ZNF646: variants seen among roughly 807,000 people sequenced by gnomAD.
ZNF646 encodes zinc finger protein 646.
A neutral mutation model predicts 115.4 loss-of-function variants in ZNF646; 49 were observed. That is an observed-to-expected ratio of 0.42 (90% CI 0.34 to 0.54). ZNF646 has a LOEUF of 0.54. Among genes scored for constraint, ZNF646 ranks in the 20% least tolerant of loss-of-function variants. The probability of loss-of-function intolerance (pLI) is 0.04; values close to 1 mark genes in which losing one functional copy is unlikely to be tolerated. For missense variants in ZNF646, 2,269 were observed against 2,457.9 expected, an observed-to-expected ratio of 0.92 and a Z score of 1.62; for synonymous variants, 933 against 939.0, an observed-to-expected ratio of 0.99 and a Z score of 0.12.
Position 31,081,528 on chromosome 16 carries a change from G to A in ZNF646, c.5204G>A (p.Ser1735Asn), listed in dbSNP as rs1387392332. ...THTDPKRHCC[S>N]ICGKAFRTAA... ...ACGGACCCCAAGCGCCACTGCTGCA[G>A]CATCTGTGGCAAGGCCTTTCGGACA... is the stretch of plus-strand genomic sequence containing the variant. Residue 1735 changes from serine (S) to asparagine (N), a missense_variant, in exon 2 of 3, where the codon AGC becomes AAC. This residue lies in a region of ZNF646 where 1,062 missense variants were observed against 1,172.8 expected (regional missense o/e 0.91). Transcript: ENST00000300850. 9 of 1,613,980 alleles carry A rather than the reference G, an allele frequency of 5.6e-6. No individual in the cohort carries two copies. In the Admixed American group the frequency reaches 1.5e-4, roughly 27 times the overall value.
rs1262352411 is a variant in ZNF646, at chr16:31,083,041, A to G, written c.5448A>G (p.Pro1816=). The G allele has an allele frequency of 1.3e-6, 2 of 1,521,568 alleles. No individual in the cohort carries two copies. Among genetic ancestry groups the G allele is most frequent in the Non-Finnish European group, 1.8e-6 (2 of 1,134,156 alleles). 94.3% of individuals were successfully genotyped at this position (1,521,568 alleles called of 1,614,324 possible). A position where few individuals can be genotyped will look rare whatever the true frequency, so the allele number is the denominator to read the frequency against. The stretch of plus-strand genomic sequence containing the variant: ...CCCCTCCACCCACCCCCACGACCCC[A>G]CTCCTGGATCCTTCACCCCAGTGGC... The part of the protein sequence containing the change: ...PLPPPPTPTT[P]LLDPSPQWPA... The change falls in exon 3 of 3, where the codon CCA becomes CCG. Residue 1816 remains proline, a synonymous_variant. Coordinates refer to ENST00000300850, the MANE Select transcript of ZNF646 (RefSeq NM_014699.4).
chr16:31,073,405 C>G (rs1451190635), upstream of ZNF646: 6 of 152,198 alleles, frequency 3.9e-5, no homozygotes, highest in African/African-American at 1.4e-4. Context: ...CGGGACCACA[C>G]CGCGCCGGGC....
chr16:31,077,971 C>A lies in ZNF646; in HGVS notation c.1647C>A (p.His549Gln), dbSNP rs748173383. The A allele has an allele frequency of 6.2e-7, 1 of 1,613,986 alleles. No individual in the cohort carries two copies. Among genetic ancestry groups the A allele is most frequent in the East Asian group, 2.2e-5 (1 of 44,884 alleles). ...PDPVEAEAAP[H>Q]TDQDHVCKHE... is the part of the protein sequence containing the mutation. The stretch of plus-strand genomic sequence containing the variant: ...CAGTGGAGGCAGAGGCAGCCCCGCA[C>A]ACAGATCAGGACCATGTGTGCAAAC... The change falls in exon 2 of 3, where the codon CAC becomes CAA. Residue 549 changes from histidine (H) to glutamine (Q), a missense_variant. By Grantham distance (24) the His-to-Gln change is conservative. Coordinates refer to ENST00000300850, the MANE Select transcript of ZNF646 (RefSeq NM_014699.4).
At position 31,083,567 on chromosome 16, in the gene ZNF646, C is replaced by T; in HGVS notation, c.*475C>T. ...TAAAGGAGGAGGAAAGCTGAGACGC[C>T]TGCTTGGTAGCAGAGTTGGGTGTGG... On this transcript the variant is annotated 3_prime_UTR_variant, in exon 3 of 3. Coordinates refer to ENST00000300850, the MANE Select transcript of ZNF646 (RefSeq NM_014699.4). The T allele has an allele frequency of 4.2e-6, 6 of 1,438,856 alleles. No homozygotes were observed. The highest frequency in any genetic ancestry group is 5.5e-6 in the Non-Finnish European group (6 of 1,092,588). 89.1% of individuals were successfully genotyped at this position (1,438,856 alleles called of 1,614,324 possible).
chr16:31,076,355 T>C lies in ZNF646; in HGVS notation c.31T>C (p.Ser11Pro). Residue 11 changes from serine (S) to proline (P), a missense_variant, in exon 2 of 3, where the codon TCC (serine) becomes CCC (proline). Physicochemically the swap from Ser to Pro is moderately conservative, Grantham distance 74. Coordinates refer to ENST00000300850, the MANE Select transcript of ZNF646 (RefSeq NM_014699.4). Reference sequence around the variant, plus strand: ...GGACACACCCCCCTCACTCAGCTGCTCCGACTGTCAGCGCCACTTTCCCAG... The same window carrying C: ...GGACACACCCCCCTCACTCAGCTGCCCCGACTGTCAGCGCCACTTTCCCAG... MEDTPPSLSC[S>P]DCQRHFPSLP... 5 of 1,613,020 alleles carry C rather than the reference T, an allele frequency of 3.1e-6. No individual in the cohort carries two copies. Among genetic ancestry groups the C allele is most frequent in the Non-Finnish European group, 4.2e-6 (5 of 1,179,436 alleles).
rs913734945 is a variant in ZNF646 at position 31,078,789 on chromosome 16, C to T, written c.2465C>T (p.Thr822Ile). The part of the protein sequence containing the change: ...VTGWQAGAAH[T>I]CSDCGHSFPH... ...GGCTGGCAGGCTGGGGCCGCTCACA[C>T]ATGCTCTGACTGTGGGCATTCTTTC... Residue 822 changes from threonine to isoleucine, a missense_variant, in exon 2 of 3, where the codon ACA (threonine) becomes ATA (isoleucine). Transcript: ENST00000300850. The T allele has an allele frequency of 6.2e-7, 1 of 1,613,754 alleles. No individual in the cohort carries two copies. The highest frequency in any genetic ancestry group is 1.3e-5 in the African/African-American group (1 of 74,950).
Position 31,077,650 on chromosome 16 carries a change from C to T in ZNF646, c.1326C>T (p.Pro442=), listed in dbSNP as rs1282185896. ...ENGQPSVPPA[P]LLLAETTHKE... ...GGCAGCCATCAGTCCCACCAGCTCCCCTGCTGCTGGCTGAGACCACCCACA... is the reference window on the plus strand; with the variant it reads ...GGCAGCCATCAGTCCCACCAGCTCCTCTGCTGCTGGCTGAGACCACCCACA... Residue 442 remains proline (P), a synonymous_variant, in exon 2 of 3, where the codon CCC becomes CCT. Transcript: ENST00000300850. The T allele has an allele frequency of 1.2e-6, 2 of 1,614,006 alleles. No homozygotes were observed. Among genetic ancestry groups the T allele is most frequent in the East Asian group, 2.2e-5 (1 of 44,878 alleles).
chr16:31,083,503 T>A lies in ZNF646; in HGVS notation c.*411T>A, dbSNP rs2057192789. The A allele has an allele frequency of 7.5e-7, 1 of 1,333,990 alleles. No individual in the cohort carries two copies. The highest frequency in any genetic ancestry group is 3.1e-5 in the East Asian group (1 of 32,198). 82.6% of individuals were successfully genotyped at this position (1,333,990 alleles called of 1,614,324 possible). On this transcript the variant is annotated 3_prime_UTR_variant, in exon 3 of 3. Transcript: ENST00000300850. ...CTGCTGCCCCCCAAAAAAAGAAATTTTCAAAACAACGTGGCTGGCGTGATT... is the reference window on the plus strand; with the variant it reads ...CTGCTGCCCCCCAAAAAAAGAAATTATCAAAACAACGTGGCTGGCGTGATT...
upstream of ZNF646, chr16:31,074,248 C>T (rs1177475465): frequency 6.6e-6 from 1 of 152,226 alleles, no homozygotes; most frequent in Non-Finnish European, 1.5e-5. Flanking sequence ...GCTAGCTTAG[C>T]GTGCAAAGAC....
At chr16:31,076,175 C>A in intron 1 of ZNF646, 71 bp from the exon 2 acceptor site, 1 of 1,078,482 alleles carries the variant, frequency 9.3e-7, no homozygotes, top group Non-Finnish European at 1.3e-6. Context: ...CTCAGGTGAA[C>A]TTGTTGCTCG....
Position 31,083,040 on chromosome 16 carries a change from C to T in ZNF646, c.5447C>T (p.Pro1816Leu), listed in dbSNP as rs775576124. 2 of 1,600,710 alleles carry T rather than the reference C, an allele frequency of 1.2e-6. No homozygotes were observed. ...CCCCCTCCACCCACCCCCACGACCC[C>T]ACTCCTGGATCCTTCACCCCAGTGG... is the stretch of plus-strand genomic sequence containing the variant. ...PLPPPPTPTT[P>L]LLDPSPQWPA... Residue 1816 changes from proline to leucine, a missense_variant, in exon 3 of 3, where the codon CCA (proline) becomes CTA (leucine). Pro to Leu is a moderately conservative substitution (Grantham distance 98, BLOSUM62 -3). This residue lies in a region of ZNF646 where 1,062 missense variants were observed against 1,172.8 expected (regional missense o/e 0.91). Transcript: ENST00000300850.
At chr16:31,076,210 C>T in intron 1 of ZNF646, 36 bp from the exon 2 acceptor site, 1 of 1,394,600 alleles carries the variant, frequency 7.2e-7, no homozygotes, top group Non-Finnish European at 9.5e-7. Context: ...GAAGTTAATT[C>T]AGGCCTTCCT....
At position 31,081,331 on chromosome 16, in the gene ZNF646, G is replaced by A. The variant is rs1056982948; in HGVS notation, c.5007G>A (p.Ala1669=). Residue 1669 remains alanine (A), a synonymous_variant, in exon 2 of 3, where the codon GCG becomes GCA. Transcript: ENST00000300850. ...GAGGACAAGCGGTGACGTCCATGGC[G>A]GCTGAGGACAAGGAGCGGCCCTTCC... The part of the protein sequence containing the change: ...ARGGQAVTSM[A]AEDKERPFRC... 13 of 1,613,818 alleles carry A rather than the reference G, an allele frequency of 8.1e-6. No individual in the cohort carries two copies. The Admixed American group carries it at 1.0e-4, about 12-fold the overall frequency.
intron 2 of ZNF646, 92 bp from the exon 3 acceptor site, chr16:31,082,879 G>C (rs1052737051): frequency 6.8e-7 from 1 of 1,481,338 alleles, no homozygotes; most frequent in African/African-American, 1.5e-5. Flanking sequence ...TCCGGGGCCA[G>C]GGGCAGGGGA....
chr16:31,083,034 C>T lies in ZNF646; in HGVS notation c.5441C>T (p.Thr1814Met), dbSNP rs771176248. 8.8e-6 allele frequency: 14 copies of T among 1,597,484 alleles called. No individual in the cohort carries two copies. In the African/African-American group the frequency reaches 9.5e-5, roughly 11 times the overall value. Residue 1814 changes from threonine (T) to methionine (M), a missense_variant, in exon 3 of 3, where the codon ACG (threonine) becomes ATG (methionine). By Grantham distance (81) the Thr-to-Met change is moderately conservative. Around this residue, in one of 5 missense-constraint regions of ZNF646, gnomAD observed 1,062 missense variants for 1,172.8 expected, o/e 0.91. Coordinates refer to ENST00000300850, the MANE Select transcript of ZNF646 (RefSeq NM_014699.4). ...CCATTGCCCCCTCCACCCACCCCCA[C>T]GACCCCACTCCTGGATCCTTCACCC... Reference protein sequence around the residue: ...DLPLPPPPTPTTPLLDPSPQW... With the variant: ...DLPLPPPPTPMTPLLDPSPQW...
At chr16:31,082,854 G>A in intron 2 of ZNF646, 117 bp from the exon 3 acceptor site, 1 of 1,371,564 alleles carries the variant, frequency 7.3e-7, no homozygotes, top group South Asian at 1.4e-5. Flanking sequence ...TAGAATCCCT[G>A]TTCTCATCTG....
chr16:31,079,131 C>G lies in ZNF646; in HGVS notation c.2807C>G (p.Ser936Trp). The change falls in exon 2 of 3, where the codon TCG becomes TGG. Residue 936 changes from serine to tryptophan, a missense_variant. Transcript: ENST00000300850. This position sits in a 1 kb window ranked among gnomAD's most constrained non-coding sequence, Gnocchi z 5.5. Reference sequence around the variant, plus strand: ...GCACGCAGTCCACCACTGCAGCTCTCGGAAGCAGAGCTGCTGAATCAGCTG... The same window carrying G: ...GCACGCAGTCCACCACTGCAGCTCTGGGAAGCAGAGCTGCTGAATCAGCTG... ...APARSPPLQL[S>W]EAELLNQLQR... is the part of the protein sequence containing the mutation. 2 of 1,603,114 alleles carry G rather than the reference C, an allele frequency of 1.2e-6. No homozygotes were observed. Among genetic ancestry groups the G allele is most frequent in the Non-Finnish European group, 1.7e-6 (2 of 1,173,502 alleles).
intron 2 of ZNF646, chr16:31,082,690 T>G: frequency 1.4e-5 from 6 of 438,380 alleles, no homozygotes; most frequent in East Asian, 5.1e-5. Flanking sequence ...GGCCCTGAGA[T>G]GGTGGGCCCT....
intron 2 of ZNF646, chr16:31,082,098 T>C (rs528446242): frequency 8.8e-6 from 3 of 342,386 alleles, no homozygotes; most frequent in East Asian, 1.0e-4. Context: ...GAGGAAGCCA[T>C]TGGTTTGGTC....
Sources: gnomAD v4.1 joint callset for allele counts on GRCh38, gnomAD v4.1.1 for gene constraint, gnomAD v4.1.1 regional missense constraint, Gnocchi (gnomAD v3.1) non-coding constraint, MANE v1.5 for transcripts, NCBI Gene and HGNC (gene_info 2026-07-23, HGNC 2026-07-21) for gene names.